GRAMD2A: variants seen among roughly 807,000 people sequenced by gnomAD.
GRAMD2A encodes GRAM domain-containing protein 2A.
A neutral mutation model predicts 51.1 loss-of-function variants in GRAMD2A; 37 were observed. The ratio of observed to expected loss-of-function variants is 0.72; its 90% confidence interval spans 0.56 to 0.95. GRAMD2A has a LOEUF of 0.95. Ranked by LOEUF, GRAMD2A falls within the 40% of genes least tolerant of loss-of-function variation. The pLI is 0.00. For synonymous variants in GRAMD2A, 136 were observed against 157.1 expected (o/e 0.87, Z 1.01); for missense variants, 414 against 426.9 (o/e 0.97, Z 0.27).
chr15:72,166,816 G>A lies in GRAMD2A; in HGVS notation c.472-113C>T. 3 of 1,005,216 alleles carry A rather than the reference G, an allele frequency of 3.0e-6. No homozygotes were observed. The highest frequency in any genetic ancestry group is 1.3e-5 in the South Asian group (1 of 75,534). 62.3% of individuals were successfully genotyped at this position (1,005,216 alleles called of 1,614,324 possible). ...CCCACAGGGGTATCAGGCCATGAGAGCCAACAGAAGCTCTGCCTAGGAACT... is the reference window on the plus strand; with the variant it reads ...CCCACAGGGGTATCAGGCCATGAGAACCAACAGAAGCTCTGCCTAGGAACT... On this transcript the variant is annotated intron_variant, in intron 6 of 11. Coordinates refer to ENST00000309731, the MANE Select transcript of GRAMD2A (RefSeq NM_001012642.3). The surrounding 1 kb of genome is among the most constrained non-coding windows in gnomAD (Gnocchi z 4.1).
At chr15:72,190,368 G>A (rs1321375754) in intron 1 of GRAMD2A, among the ~76,000 whole-genome samples, 17 of 151,846 alleles carry the variant, frequency 1.1e-4, no homozygotes, top group Admixed American at 8.5e-4. Context: ...GACAGAGTGA[G>A]ATTCTGTCTA....
At chr15:72,197,340 G>A (rs1316343363) in intron 1 of GRAMD2A, among the ~76,000 whole-genome samples, 2 of 152,248 alleles carry the variant, frequency 1.3e-5, no homozygotes, top group Admixed American at 1.3e-4. Flanking sequence ...ATTAGGACTG[G>A]GAGTCGATAC....
At chr15:72,197,556 G>C (rs1467133886) in intron 1 of GRAMD2A, among the ~76,000 whole-genome samples, 175 bp downstream of exon 1, 2 of 151,960 alleles carry the variant, frequency 1.3e-5, no homozygotes, top group Non-Finnish European at 2.9e-5. Flanking sequence ...ACGCCTGGGC[G>C]CGCGGTGCAG....
rs563012120 is a variant in GRAMD2A at position 72,176,323 on chromosome 15, G to A, written c.42-6384C>T. Among the ~76,000 whole-genome samples the A allele has an allele frequency of 2.0e-5, 3 of 152,348 alleles. No individual in the cohort carries two copies. The East Asian group carries it at 5.8e-4, about 29-fold the overall frequency. On this transcript the variant is annotated intron_variant, in intron 1 of 11. Coordinates refer to ENST00000309731, the MANE Select transcript of GRAMD2A (RefSeq NM_001012642.3). The stretch of plus-strand genomic sequence containing the variant: ...AAGCACAAATCTCAGCCGGGCCTGC[G>A]TGGTCACAGGCAGGGCCTTCCCCAC...
In GRAMD2A at chr15:72,168,572, AAC is replaced by A. The variant is rs1312228171; in HGVS notation, c.193-8_193-7del. ...TTGTATTTATTCAGTGTTATCTGCAAACACACAGGCTGCGTCTGAGAAGCGCT... is the reference window on the plus strand; with the variant it reads ...TTGTATTTATTCAGTGTTATCTGCAAACACAGGCTGCGTCTGAGAAGCGCT... On this transcript the variant is annotated splice_polypyrimidine_tract_variant and splice_region_variant and intron_variant, in intron 3 of 11. Transcript: ENST00000309731. The A allele has an allele frequency of 6.2e-7, 1 of 1,612,596 alleles. No individual in the cohort carries two copies. Among genetic ancestry groups the A allele is most frequent in the Non-Finnish European group, 8.5e-7 (1 of 1,178,916 alleles).
At chr15:72,182,448 A>G (rs1040651510) in intron 1 of GRAMD2A, among the ~76,000 whole-genome samples, 6 of 151,980 alleles carry the variant, frequency 3.9e-5, no homozygotes, top group East Asian at 1.9e-4. Flanking sequence ...TTTATGACCT[A>G]TCAGGCAATG....
Position 72,166,262 on chromosome 15 carries a change from G to A in GRAMD2A, c.543+370C>T, listed in dbSNP as rs1364572866. Among the ~76,000 whole-genome samples, 1 of 152,228 alleles carries A rather than the reference G, an allele frequency of 6.6e-6. No individual in the cohort carries two copies. The highest frequency in any genetic ancestry group is 1.9e-4 in the East Asian group (1 of 5,204). On this transcript the variant is annotated intron_variant, in intron 7 of 11. Transcript: ENST00000309731. The surrounding 1 kb of genome is among the most constrained non-coding windows in gnomAD (Gnocchi z 4.1). ...TTTGCCCAGCTCTAGGCTAATGAAAGCATTCTGAGATGTTTAAGGGAGGTG... is the reference window on the plus strand; with the variant it reads ...TTTGCCCAGCTCTAGGCTAATGAAAACATTCTGAGATGTTTAAGGGAGGTG...
chr15:72,174,665 G>T (rs192001902), intron 1 of GRAMD2A, among the ~76,000 whole-genome samples: 2 of 152,144 alleles, frequency 1.3e-5, no homozygotes, highest in Non-Finnish European at 2.9e-5. Context: ...TCCCTAGAGG[G>T]CACAGGAGGT....
At position 72,163,939 on chromosome 15, in the gene GRAMD2A, C is replaced by A. The variant is rs564756019; in HGVS notation, c.601-182G>T. On this transcript the variant is annotated intron_variant, in intron 8 of 11. Transcript: ENST00000309731. ...TATAGCAACCATATGCCTCTCCTCT[C>A]TGCTCCCTTGCTGTGACTAGCTATT... 3 of 583,034 alleles carry A rather than the reference C, an allele frequency of 5.1e-6. No individual in the cohort carries two copies. In the South Asian group the frequency reaches 6.8e-5, roughly 13 times the overall value. 36.1% of individuals were successfully genotyped at this position (583,034 alleles called of 1,614,324 possible). A position where few individuals can be genotyped will look rare whatever the true frequency, so the allele number is the denominator to read the frequency against.
intron 1 of GRAMD2A, chr15:72,176,700 C>CT (rs2081655422): frequency 6.6e-6 from 1 of 152,390 alleles, no homozygotes; most frequent in Admixed American, 6.5e-5. Context: ...ACCTGGGACT[C>CT]TTCCCCCCAG....
At chr15:72,171,132 G>T (rs889824881) in intron 1 of GRAMD2A, among the ~76,000 whole-genome samples, 16 of 152,140 alleles carry the variant, frequency 1.1e-4, no homozygotes, top group Non-Finnish European at 5.9e-5. Flanking sequence ...ATGTGGCCTG[G>T]TTACCTCTGT....
intron 1 of GRAMD2A, among the ~76,000 whole-genome samples, chr15:72,179,243 C>T (rs1367000158): frequency 6.6e-6 from 1 of 152,242 alleles, no homozygotes; most frequent in Non-Finnish European, 1.5e-5. Flanking sequence ...ACCCTGGCCA[C>T]AGCCAGCGGA....
chr15:72,166,665 A>T lies in GRAMD2A; in HGVS notation c.510T>A (p.Tyr170Ter). The change falls in exon 7 of 12, where the codon TAT (tyrosine) becomes TAA (stop). Residue 170 changes from tyrosine to a stop codon, truncating the protein, a stop_gained. Coordinates refer to ENST00000309731, the MANE Select transcript of GRAMD2A (RefSeq NM_001012642.3). LOFTEE classifies it high-confidence loss of function. The surrounding 1 kb of genome is among the most constrained non-coding windows in gnomAD (Gnocchi z 4.1). ...GGGTGCAGACTCTCCTCAGCAGGTC[A>T]TATACACTGTCCCGGGAGAGCAGTG... ...FVSLLSRDSV[Y>*]DLLRRVCTHL... 6.2e-7 allele frequency: 1 copy of T among 1,613,936 alleles called. No homozygotes were observed. The highest frequency in any genetic ancestry group is 8.5e-7 in the Non-Finnish European group (1 of 1,179,954).
At position 72,166,800 on chromosome 15, in the gene GRAMD2A, G is replaced by A; in HGVS notation, c.472-97C>T. 8.9e-7 allele frequency: 1 copy of A among 1,127,268 alleles called. No individual in the cohort carries two copies. Among genetic ancestry groups the A allele is most frequent in the Non-Finnish European group, 1.3e-6 (1 of 748,968 alleles). 69.8% of individuals were successfully genotyped at this position (1,127,268 alleles called of 1,614,324 possible). ...GTGGATTGGGCACAGGCCCACAGGG[G>A]TATCAGGCCATGAGAGCCAACAGAA... is the stretch of plus-strand genomic sequence containing the variant. On this transcript the variant is annotated intron_variant, in intron 6 of 11. Coordinates refer to ENST00000309731, the MANE Select transcript of GRAMD2A (RefSeq NM_001012642.3). This position sits in a 1 kb window ranked among gnomAD's most constrained non-coding sequence, Gnocchi z 4.1.
In GRAMD2A at chr15:72,161,747, C is replaced by T; in HGVS notation, c.*262G>A. 2 of 489,456 alleles carry T rather than the reference C, an allele frequency of 4.1e-6. No homozygotes were observed. Among genetic ancestry groups the T allele is most frequent in the East Asian group, 3.6e-5 (1 of 27,760 alleles). 30.3% of individuals were successfully genotyped at this position (489,456 alleles called of 1,614,324 possible). On this transcript the variant is annotated 3_prime_UTR_variant, in exon 12 of 12. Coordinates refer to ENST00000309731, the MANE Select transcript of GRAMD2A (RefSeq NM_001012642.3). ...TAAGTGTTTGCTGAAGCTTTGTGTA[C>T]AGAATTCCTCAGTTGGTTCCAAAAA...
chr15:72,177,371 C>A (rs1365549733), intron 1 of GRAMD2A, among the ~76,000 whole-genome samples: 3 of 152,214 alleles, frequency 2.0e-5, no homozygotes, highest in Non-Finnish European at 4.4e-5. Flanking sequence ...GCCCCCAGAA[C>A]TACCCGCTGC....
intron 1 of GRAMD2A, among the ~76,000 whole-genome samples, chr15:72,183,867 C>T (rs1305036304): frequency 1.3e-5 from 2 of 152,166 alleles, no homozygotes; most frequent in Admixed American, 6.5e-5. Context: ...AACTTTGGTG[C>T]AGTAGTGGGG....
At chr15:72,189,801 A>G (rs2081755841) in intron 1 of GRAMD2A, among the ~76,000 whole-genome samples, 1 of 152,146 alleles carries the variant, frequency 6.6e-6, no homozygotes, top group African/African-American at 2.4e-5. Context: ...GCCAGTAGAA[A>G]CTCAGCAGTA....
Position 72,166,962 on chromosome 15 carries a change from CTGA to C in GRAMD2A, c.471+29_471+31del. 6.4e-7 allele frequency: 1 copy of C among 1,550,982 alleles called. No homozygotes were observed. ...GGCTGTCAGGGCTGGGAGCGGGAGACTGACAAGGGAGCATGGGCCCAGTGCACT... is the reference window on the plus strand; with the variant it reads ...GGCTGTCAGGGCTGGGAGCGGGAGACCAAGGGAGCATGGGCCCAGTGCACT... On this transcript the variant is annotated intron_variant, in intron 6 of 11. Coordinates refer to ENST00000309731, the MANE Select transcript of GRAMD2A (RefSeq NM_001012642.3). This position sits in a 1 kb window ranked among gnomAD's most constrained non-coding sequence, Gnocchi z 4.1.
Sources: allele counts gnomAD v4.1 joint callset (sites outside exome capture counted in the v4.1 genomes callset), GRCh38; gene constraint gnomAD v4.1.1; non-coding constraint Gnocchi (gnomAD v3.1); transcripts MANE v1.5; gene names NCBI Gene and HGNC (gene_info 2026-07-23, HGNC 2026-07-21).